Variants in PSD2 observed in about 807,000 individuals in gnomAD.
PSD2 encodes PH and SEC7 domain-containing protein 2.
In PSD2, 38 loss-of-function variants were observed where a neutral mutation model predicts 69.8. That is an observed-to-expected ratio of 0.54 (90% CI 0.42 to 0.71). PSD2 has a LOEUF of 0.71. Ranked by LOEUF, PSD2 falls within the 30% of genes least tolerant of loss-of-function variation. PSD2 has a pLI of 0.00. For synonymous variants in PSD2, 412 were observed against 423.0 expected, an observed-to-expected ratio of 0.97 and a Z score of 0.32; for missense variants, 943 against 1,014.5, an observed-to-expected ratio of 0.93 and a Z score of 0.96.
At chr5:139,807,523 C>T (rs1308925488) in intron 1 of PSD2, among the ~76,000 whole-genome samples, 2 of 152,140 alleles carry the variant, frequency 1.3e-5, no homozygotes, top group African/African-American at 4.8e-5. Context: ...TCTCCGATGT[C>T]CTAGGATCAG....
rs1175063213 is a variant in PSD2, at chr5:139,806,756, C to CTT, written c.-50-2634_-50-2633insTT. Among the ~76,000 whole-genome samples, 10 of 152,206 alleles carry CTT rather than the reference C, an allele frequency of 6.6e-5. No individual in the cohort carries two copies. In the East Asian group the frequency reaches 1.9e-3, roughly 29 times the overall value. ...TGGGGCATCGTTTTACACCTCTACC[C>CTT]TAAAGCCTCCCCTTTATGCAGCCCT... is the stretch of plus-strand genomic sequence containing the variant. On this transcript the variant is annotated intron_variant, in intron 1 of 14. Transcript: ENST00000274710.
chr5:139,786,353 A>G, the PSD2 span, among the ~76,000 whole-genome samples: 11 of 152,278 alleles, frequency 7.2e-5, no homozygotes, highest in East Asian at 2.1e-3. Context: ...CTGCCACTGC[A>G]CTCCAGCCTG....
upstream of PSD2, among the ~76,000 whole-genome samples, chr5:139,792,929 CT>C (rs1759445615): frequency 7.5e-6 from 1 of 133,964 alleles, no homozygotes; most frequent in Non-Finnish European, 1.6e-5. Context: ...TTTTTTCTTT[CT>C]TTCTTTCTGT....
chr5:139,767,905 C>T, the PSD2 span, among the ~76,000 whole-genome samples: 1 of 152,356 alleles, frequency 6.6e-6, no homozygotes, highest in South Asian at 2.1e-4. Context: ...TGACAAAGCC[C>T]CTACCAGGTC....
the PSD2 span, among the ~76,000 whole-genome samples, chr5:139,749,529 A>T: frequency 6.6e-6 from 1 of 152,238 alleles, no homozygotes; most frequent in Non-Finnish European, 1.5e-5. Flanking sequence ...CTGTGTGGAA[A>T]GTAATGTCTC....
At chr5:139,767,906 C>T in the PSD2 span, among the ~76,000 whole-genome samples, 1 of 152,260 alleles carries the variant, frequency 6.6e-6, no homozygotes, top group Non-Finnish European at 1.5e-5. Flanking sequence ...GACAAAGCCC[C>T]TACCAGGTCT....
the PSD2 span, among the ~76,000 whole-genome samples, chr5:139,787,353 G>T: frequency 6.6e-6 from 1 of 152,240 alleles, no homozygotes; most frequent in African/African-American, 2.4e-5. Context: ...CAGCACAGAC[G>T]AAGGGGGGCC....
At chr5:139,806,099 G>A (rs1759798887) in intron 1 of PSD2, among the ~76,000 whole-genome samples, 1 of 152,232 alleles carries the variant, frequency 6.6e-6, no homozygotes, top group East Asian at 1.9e-4. Context: ...AGGCTGCCGA[G>A]CCCAAGGTCA....
the PSD2 span, among the ~76,000 whole-genome samples, chr5:139,787,139 A>G: frequency 6.6e-6 from 1 of 152,168 alleles, no homozygotes; most frequent in African/African-American, 2.4e-5. Flanking sequence ...CTCACTTAGC[A>G]GTGCTAGATG....
At chr5:139,797,231 G>C (rs575394804) in intron 1 of PSD2, among the ~76,000 whole-genome samples, 1 of 152,212 alleles carries the variant, frequency 6.6e-6, no homozygotes, top group Admixed American at 6.5e-5. Flanking sequence ...CAATATATGC[G>C]GGAAGCAGGG....
intron 7 of PSD2, among the ~76,000 whole-genome samples, chr5:139,830,626 C>CTTTCTTTCT (rs58644184): frequency 2.0e-5 from 2 of 97,662 alleles, no homozygotes; most frequent in African/African-American, 1.1e-4. Flanking sequence ...TTCTTTCTTT[C>CTTTCTTTCT]TCTTTCTTTC....
the PSD2 span, among the ~76,000 whole-genome samples, chr5:139,783,650 T>C: frequency 2.6e-5 from 4 of 152,100 alleles, no homozygotes; most frequent in Admixed American, 2.0e-4. Context: ...AGGCTGCTTG[T>C]TAACTGTTAT....
chr5:139,818,750 G>A (rs1760185903), intron 5 of PSD2, among the ~76,000 whole-genome samples: 1 of 152,222 alleles, frequency 6.6e-6, no homozygotes, highest in East Asian at 1.9e-4. Flanking sequence ...ATCACCTTGA[G>A]CAGTAGGATA....
chr5:139,837,294 C>A lies in PSD2; in HGVS notation c.1665+56C>A. 6.5e-7 allele frequency: 1 copy of A among 1,534,468 alleles called. No homozygotes were observed. The highest frequency in any genetic ancestry group is 8.8e-7 in the Non-Finnish European group (1 of 1,132,298). On this transcript the variant is annotated intron_variant, in intron 11 of 14. Coordinates refer to ENST00000274710, the MANE Select transcript of PSD2 (RefSeq NM_032289.4). The surrounding 1 kb of genome is among the most constrained non-coding windows in gnomAD (Gnocchi z 5.0). ...AAAGGGCCAGCTCAGTCCCATCCCGCCCTGGCCTTGTGGCACCCCGAAGCC... is the reference window on the plus strand; with the variant it reads ...AAAGGGCCAGCTCAGTCCCATCCCGACCTGGCCTTGTGGCACCCCGAAGCC...
chr5:139,816,866 A>C (rs981416917), intron 4 of PSD2, among the ~76,000 whole-genome samples: 1 of 152,184 alleles, frequency 6.6e-6, no homozygotes, highest in Non-Finnish European at 1.5e-5. Context: ...TCTCACACGG[A>C]TGCCTCGTCC....
At chr5:139,766,240 G>C in the PSD2 span, among the ~76,000 whole-genome samples, 1 of 152,208 alleles carries the variant, frequency 6.6e-6, no homozygotes, top group South Asian at 2.1e-4. Context: ...TGTAGAAGGG[G>C]GCGATACAGG....
In PSD2 at chr5:139,814,408, G is replaced by A; in HGVS notation, c.1016+44G>A. 5 of 1,527,790 alleles carry A rather than the reference G, an allele frequency of 3.3e-6. No individual in the cohort carries two copies. The highest frequency in any genetic ancestry group is 4.4e-6 in the Non-Finnish European group (5 of 1,137,178). The allele number at this position is 1,527,790 out of a possible 1,614,324, so 94.6% of individuals were successfully genotyped here. A position where few individuals can be genotyped will look rare whatever the true frequency, so the allele number is the denominator to read the frequency against. ...GCCCCCAACCCTGGGCAAACCTCGT[G>A]TCTTCCTCAACCTGAAGAGGGTGTG... On this transcript the variant is annotated intron_variant, in intron 4 of 14. Transcript: ENST00000274710. The surrounding 1 kb of genome is among the most constrained non-coding windows in gnomAD (Gnocchi z 4.4).
chr5:139,825,648 T>C (rs1470431826), intron 7 of PSD2, among the ~76,000 whole-genome samples: 1 of 124,620 alleles, frequency 8.0e-6, no homozygotes, highest in Non-Finnish European at 1.6e-5. Flanking sequence ...TAGCTGGGGG[T>C]GCCATTTCCT....
chr5:139,809,945 G>A, intron 2 of PSD2, 134 bp downstream of exon 2: 1 of 977,940 alleles, frequency 1.0e-6, no homozygotes, highest in Non-Finnish European at 1.5e-6. Context: ...TCCCTCTTTT[G>A]CCCAGATTCT....
Sources: gnomAD v4.1 joint callset for allele counts (sites outside exome capture counted in the v4.1 genomes callset) on GRCh38, gnomAD v4.1.1 for gene constraint, Gnocchi (gnomAD v3.1) non-coding constraint, MANE v1.5 for transcripts, NCBI Gene and HGNC (gene_info 2026-07-23, HGNC 2026-07-21) for gene names.